The following ACCSL variants were observed in gnomAD, a reference collection of about 807,000 sequenced individuals.
The protein encoded by ACCSL is 1-aminocyclopropane-1-carboxylate synthase homolog (inactive) like.
ACCSL carries 55 observed loss-of-function variants against 61.7 expected under a neutral mutation model. The ratio of observed to expected loss-of-function variants is 0.89; its 90% CI spans 0.72 to 1.12. ACCSL has a LOEUF of 1.12. Ranked by LOEUF, ACCSL falls within the 50% of genes most tolerant of loss-of-function variation. ACCSL has a pLI of 0.00. For missense variants in ACCSL, 632 were observed against 698.0 expected (o/e 0.91, Z 1.07); for synonymous variants, 258 against 264.3 (o/e 0.98, Z 0.23).
the ACCSL span, among the ~76,000 whole-genome samples, chr11:44,011,994 T>C: frequency 6.6e-6 from 1 of 152,184 alleles, no homozygotes; most frequent in Non-Finnish European, 1.5e-5. Flanking sequence ...GAGGGAATCA[T>C]TACTCATGTG....
chr11:44,009,936 T>C, the ACCSL span, among the ~76,000 whole-genome samples: 1 of 152,162 alleles, frequency 6.6e-6, no homozygotes, highest in Non-Finnish European at 1.5e-5. Context: ...GGATAAAGTC[T>C]TCTCTCTTAT....
the ACCSL span, among the ~76,000 whole-genome samples, chr11:43,980,792 A>C: frequency 3.9e-5 from 6 of 152,168 alleles, no homozygotes; most frequent in African/African-American, 1.4e-4. Context: ...GGTACTGTGA[A>C]ATTTGCTTTA....
the ACCSL span, among the ~76,000 whole-genome samples, chr11:43,940,478 C>G: frequency 6.6e-6 from 1 of 151,818 alleles, no homozygotes; most frequent in Admixed American, 6.6e-5. Flanking sequence ...GCCTCAGCCT[C>G]TCGAGTAGCT....
chr11:43,994,965 T>C, the ACCSL span: 1 of 152,300 alleles, frequency 6.6e-6, no homozygotes, highest in East Asian at 1.9e-4. Flanking sequence ...GGACTTTGCA[T>C]TCATCAGGGT....
the ACCSL span, among the ~76,000 whole-genome samples, chr11:43,965,690 C>T: frequency 1.3e-5 from 2 of 152,206 alleles, no homozygotes. Context: ...GGAAGGCACA[C>T]TTCCCAATTT....
At chr11:43,992,754 C>A in the ACCSL span, among the ~76,000 whole-genome samples, 3 of 152,328 alleles carry the variant, frequency 2.0e-5, no homozygotes, top group East Asian at 1.9e-4. Flanking sequence ...ATTCTAGTGT[C>A]CCGGAACGTA....
the ACCSL span, among the ~76,000 whole-genome samples, chr11:44,008,116 T>A: frequency 2.6e-5 from 4 of 152,168 alleles, no homozygotes; most frequent in African/African-American, 9.7e-5. Context: ...GACATGCCAA[T>A]ACTTCAGTGC....
chr11:43,987,129 C>G, the ACCSL span, among the ~76,000 whole-genome samples: 1 of 152,196 alleles, frequency 6.6e-6, no homozygotes, highest in Admixed American at 6.5e-5. Flanking sequence ...ATCCTTGACT[C>G]CCCTGTCACT....
chr11:44,044,159 AACTTGAG>A (rs1952587444), upstream of ACCSL, among the ~76,000 whole-genome samples: 1 of 152,126 alleles, frequency 6.6e-6, no homozygotes, highest in African/African-American at 2.4e-5. Context: ...CCAATCTCAG[AACTTGAG>A]ACTTTCTGGG....
the ACCSL span, among the ~76,000 whole-genome samples, chr11:43,987,258 G>T: frequency 6.6e-6 from 1 of 152,226 alleles, no homozygotes; most frequent in African/African-American, 2.4e-5. Context: ...CCTGGGTCCA[G>T]GTGGTGGCCC....
chr11:44,030,023 T>C, the ACCSL span, among the ~76,000 whole-genome samples: 6 of 138,200 alleles, frequency 4.3e-5, no homozygotes, highest in East Asian at 9.9e-4. Context: ...TATTTTATTT[T>C]ATTTTATTTT....
At chr11:43,980,696 C>T in the ACCSL span, among the ~76,000 whole-genome samples, 1 of 152,122 alleles carries the variant, frequency 6.6e-6, no homozygotes, top group Non-Finnish European at 1.5e-5. Flanking sequence ...TATTGTCCCT[C>T]CAATTTGTGG....
chr11:44,054,863 C>A (rs1177537505), intron 8 of ACCSL, among the ~76,000 whole-genome samples: 2 of 152,186 alleles, frequency 1.3e-5, no homozygotes, highest in Non-Finnish European at 2.9e-5. Context: ...GTTAAAAATT[C>A]TCTGGGCTAC....
chr11:44,007,306 A>C, the ACCSL span, among the ~76,000 whole-genome samples: 2 of 152,194 alleles, frequency 1.3e-5, no homozygotes, highest in African/African-American at 4.8e-5. Context: ...AGTGCCCCCC[A>C]GCTTCGGGCC....
chr11:44,002,100 G>C, the ACCSL span, among the ~76,000 whole-genome samples: 477 of 152,204 alleles, frequency 3.1e-3, 1 homozygote, highest in African/African-American at 0.011. Context: ...GGACAAGGAG[G>C]GGGGAAGTGT....
the ACCSL span, among the ~76,000 whole-genome samples, chr11:44,032,843 A>G: frequency 1.3e-5 from 2 of 152,102 alleles, no homozygotes; most frequent in Non-Finnish European, 2.9e-5. Context: ...GAACTCACAA[A>G]TGTGGTATGA....
the ACCSL span, among the ~76,000 whole-genome samples, chr11:43,934,070 C>T: frequency 9.2e-5 from 14 of 152,186 alleles, no homozygotes; most frequent in East Asian, 1.9e-3. Context: ...CTCTCCCTCC[C>T]TCCCTCTCTC....
the ACCSL span, among the ~76,000 whole-genome samples, chr11:44,009,446 C>T: frequency 6.6e-6 from 1 of 152,136 alleles, no homozygotes; most frequent in African/African-American, 2.4e-5. Context: ...TGAAACAAAA[C>T]TGGGGAGAAG....
chr11:43,942,031 CGTGCGTGTGTGTGTGTGTGTGTGTGT>C, the ACCSL span, among the ~76,000 whole-genome samples: 542 of 114,542 alleles, frequency 4.7e-3, 9 homozygotes, highest in African/African-American at 0.015. Context: ...TGTTTGCATT[CGTGCGTGTGTGTGTGTGTGTGTGTGT>C]GTGTGTGTGT....
Sources: allele counts gnomAD v4.1 joint callset (sites outside exome capture counted in the v4.1 genomes callset), GRCh38; gene constraint gnomAD v4.1.1; transcripts MANE v1.5; gene names NCBI Gene and HGNC (gene_info 2026-07-23, HGNC 2026-07-21).